Variants in SLCO1B3 observed in about 807,000 individuals in gnomAD.
SLCO1B3 encodes the protein solute carrier organic anion transporter family member 1B3.
A neutral mutation model predicts 71.8 loss-of-function variants in SLCO1B3; 72 were observed. The ratio of observed to expected loss-of-function variants is 1.00; its 90% confidence interval spans 0.83 to 1.22. The LOEUF is 1.22. SLCO1B3 is among the 50% of genes most tolerant of loss of function. The pLI is 0.00. For synonymous variants in SLCO1B3, 298 were observed against 278.4 expected (o/e 1.07, Z -0.70); for missense variants, 911 against 819.7 (o/e 1.11, Z -1.36).
chr12:20,902,496 A>G (rs189670417), intron 15 of SLCO1B3, among the ~76,000 whole-genome samples: 1 of 152,296 alleles, frequency 6.6e-6, no homozygotes, highest in East Asian at 1.9e-4. Context: ...AGTGGGAGCT[A>G]AACATTAAGT....
At chr12:20,839,665 T>C (rs1008645447) in intron 3 of SLCO1B3, among the ~76,000 whole-genome samples, 10 of 152,134 alleles carry the variant, frequency 6.6e-5, no homozygotes, top group Admixed American at 2.0e-4. Context: ...ATTCTGCTTG[T>C]TTTTCTATGA....
intron 8 of SLCO1B3, among the ~76,000 whole-genome samples, chr12:20,873,867 T>G (rs1337508814): frequency 6.6e-6 from 1 of 152,210 alleles, no homozygotes; most frequent in East Asian, 1.9e-4. Context: ...TTTGATTTTC[T>G]GTTTCTGTGT....
chr12:20,875,769 T>C (rs1465799955), intron 9 of SLCO1B3, among the ~76,000 whole-genome samples: 1 of 152,128 alleles, frequency 6.6e-6, no homozygotes, highest in Non-Finnish European at 1.5e-5. Flanking sequence ...TATAATATAG[T>C]ATAAACTGTG....
chr12:20,872,690 G>T (rs1865496776), intron 8 of SLCO1B3, among the ~76,000 whole-genome samples: 1 of 152,102 alleles, frequency 6.6e-6, no homozygotes, highest in African/African-American at 2.4e-5. Flanking sequence ...CTTCAAGGCA[G>T]TGGATTCCTT....
intron 3 of SLCO1B3, among the ~76,000 whole-genome samples, chr12:20,850,370 C>T (rs895435248): frequency 9.2e-5 from 14 of 151,632 alleles, no homozygotes; most frequent in African/African-American, 2.7e-4. Context: ...AGCTCTGCCT[C>T]CCGGGATCAC....
At chr12:20,821,814 C>T (rs939979676) in intron 3 of SLCO1B3, among the ~76,000 whole-genome samples, 2 of 152,186 alleles carry the variant, frequency 1.3e-5, no homozygotes, top group Non-Finnish European at 2.9e-5. Flanking sequence ...GAGAGGCATC[C>T]CTGCAATGAT....
chr12:20,828,931 A>G (rs2121121369), intron 3 of SLCO1B3, among the ~76,000 whole-genome samples: 1 of 151,940 alleles, frequency 6.6e-6, no homozygotes, highest in Middle Eastern at 3.4e-3. Context: ...CTAGGAATAA[A>G]TGGCCCTGTT....
chr12:20,909,640 C>G (rs1195808700), intron 15 of SLCO1B3, among the ~76,000 whole-genome samples: 1 of 152,104 alleles, frequency 6.6e-6, no homozygotes, highest in East Asian at 1.9e-4. Context: ...AATATTTTCT[C>G]TCAGTCTGTG....
intron 8 of SLCO1B3, among the ~76,000 whole-genome samples, chr12:20,874,926 G>A (rs1468556099): frequency 6.6e-6 from 1 of 152,110 alleles, no homozygotes; most frequent in East Asian, 1.9e-4. Flanking sequence ...TAAATGGTCT[G>A]AGGAGTTAAA....
At chr12:20,903,109 T>C (rs2074821003) in intron 15 of SLCO1B3, among the ~76,000 whole-genome samples, 2 of 150,964 alleles carry the variant, frequency 1.3e-5, no homozygotes, top group African/African-American at 4.9e-5. Flanking sequence ...CATCAAATGC[T>C]AGCAAGAATG....
chr12:20,880,543 C>A (rs916604211), intron 11 of SLCO1B3, among the ~76,000 whole-genome samples: 3 of 151,354 alleles, frequency 2.0e-5, no homozygotes, highest in Non-Finnish European at 4.4e-5. Context: ...ATGATAAAGA[C>A]CTCTTGTCTA....
At chr12:20,839,518 A>C (rs574748384) in intron 3 of SLCO1B3, among the ~76,000 whole-genome samples, 20 of 152,114 alleles carry the variant, frequency 1.3e-4, no homozygotes, top group Non-Finnish European at 2.8e-4. Flanking sequence ...GTCAAATGCA[A>C]TTCTTATCTT....
chr12:20,847,894 C>T (rs1864949142), intron 3 of SLCO1B3, among the ~76,000 whole-genome samples: 1 of 151,852 alleles, frequency 6.6e-6, no homozygotes, highest in Non-Finnish European at 1.5e-5. Flanking sequence ...AGCCTAGAAG[C>T]TTAAGGAACT....
intron 1 of SLCO1B3, among the ~76,000 whole-genome samples, chr12:20,813,148 A>G (rs1591736998): frequency 6.6e-6 from 1 of 152,190 alleles, no homozygotes; most frequent in East Asian, 1.9e-4. Flanking sequence ...AAGTGATAAT[A>G]TCTTCAGATA....
chr12:20,891,364 T>G (rs930030280), intron 13 of SLCO1B3, among the ~76,000 whole-genome samples: 8 of 152,074 alleles, frequency 5.3e-5, no homozygotes, highest in African/African-American at 1.9e-4. Context: ...TTCTTTTGGC[T>G]TGTAAGATTC....
chr12:20,879,369 A>G (rs1865645225), intron 10 of SLCO1B3, 67 bp from the exon 11 acceptor site: 3 of 1,158,504 alleles, frequency 2.6e-6, no homozygotes, highest in Admixed American at 2.4e-5. Flanking sequence ...TGTGTTTTAT[A>G]TATAAAGACA....
intron 5 of SLCO1B3, among the ~76,000 whole-genome samples, chr12:20,860,599 T>TTGTGTG (rs34409706): frequency 9.8e-4 from 144 of 146,726 alleles, no homozygotes; most frequent in African/African-American, 3.4e-3. Flanking sequence ...GTCAAGCACT[T>TTGTGTG]TGTGTGTGTG....
At chr12:20,896,189 G>T (rs934969611) in intron 13 of SLCO1B3, among the ~76,000 whole-genome samples, 1 of 139,492 alleles carries the variant, frequency 7.2e-6, no homozygotes, top group Non-Finnish European at 1.6e-5. Context: ...TTTCCCCATT[G>T]TCTTGGGAAT....
rs11292391 is a variant in SLCO1B3, at chr12:20,811,905, A to ATTT, written c.-181+1158_-181+1160dup. On this transcript the variant is annotated intron_variant, in intron 1 of 15. Transcript: ENST00000381545. ...TAGGTACTTTGTACTTACTTGATAC[A>ATTT]TTTTTTTTTTTTTTTTTTTGAGAAG... Among the ~76,000 whole-genome samples, 879 of 114,802 alleles carry ATTT rather than the reference A, an allele frequency of 7.7e-3. 14 individuals are homozygous for ATTT. The highest frequency in any genetic ancestry group is 0.027 in the African/African-American group (847 of 31,466). The allele number at this position is 114,802 out of a possible 152,430, so 75.3% of individuals were successfully genotyped here.
Sources: allele counts gnomAD v4.1 joint callset (sites outside exome capture counted in the v4.1 genomes callset), GRCh38; gene constraint gnomAD v4.1.1; transcripts MANE v1.5; gene names NCBI Gene and HGNC (gene_info 2026-07-23, HGNC 2026-07-21).